GHRHR: variants seen among roughly 807,000 people sequenced by gnomAD.
GHRHR encodes growth hormone releasing hormone receptor, also known as growth hormone-releasing hormone receptor.
A neutral mutation model predicts 58.3 loss-of-function variants in GHRHR; 40 were observed. That is an observed-to-expected ratio of 0.69 (90% CI 0.53 to 0.89). The LOEUF (loss-of-function observed/expected upper bound fraction) is 0.89. GHRHR is among the 40% of genes least tolerant of loss of function. The probability of loss-of-function intolerance (pLI) is 0.00; values close to 1 mark genes in which losing one functional copy is unlikely to be tolerated. For synonymous variants in GHRHR, 249 were observed against 216.6 expected (o/e 1.15, Z -1.31); for missense variants, 551 against 541.3 (o/e 1.02, Z -0.18).
intron 5 of GHRHR, among the ~76,000 whole-genome samples, chr7:30,971,642 TG>T (rs552148784): frequency 2.9e-4 from 44 of 152,154 alleles, no homozygotes; most frequent in Non-Finnish European, 5.6e-4. Flanking sequence ...CTTGGTCTCA[TG>T]GGGATGAGTG....
chr7:30,969,088 G>A lies in GHRHR; in HGVS notation c.186G>A (p.Leu62=), dbSNP rs1350556162. The A allele has an allele frequency of 1.9e-6, 3 of 1,581,344 alleles. No individual in the cohort carries two copies. In the Admixed American group the frequency reaches 5.5e-5, roughly 29 times the overall value. ...TLGCPATWDG[L]LCWPTAGSGE... ...GCTGCCCTGCGACCTGGGATGGGCTGCTGTGCTGGCCAACGGCAGGCTCTG... is the reference window on the plus strand; with the variant it reads ...GCTGCCCTGCGACCTGGGATGGGCTACTGTGCTGGCCAACGGCAGGCTCTG... Residue 62 remains leucine, a synonymous_variant, in exon 3 of 13, where the codon CTG becomes CTA. Coordinates refer to ENST00000326139, the MANE Select transcript of GHRHR (RefSeq NM_000823.4).
rs1792288607 is a variant in GHRHR, at chr7:30,964,093, C to T, written c.25C>T (p.His9Tyr). 1.3e-6 allele frequency: 2 copies of T among 1,550,190 alleles called. No homozygotes were observed. The highest frequency in any genetic ancestry group is 2.0e-5 in the Admixed American group (1 of 50,990). Residue 9 changes from histidine to tyrosine, a missense_variant, in exon 1 of 13, where the codon CAC (histidine) becomes TAC (tyrosine). Coordinates refer to ENST00000326139, the MANE Select transcript of GHRHR (RefSeq NM_000823.4). Reference protein sequence around the residue: MDRRMWGAHVFCVLSPLPT... With the variant: MDRRMWGAYVFCVLSPLPT... ...CATGGACCGCCGGATGTGGGGGGCC[C>T]ACGTCTTCTGCGTGTTGAGCCCGTT... is the stretch of plus-strand genomic sequence containing the variant.
rs200504469 is a variant in GHRHR at position 30,969,938 on chromosome 7, G to A, written c.340G>A (p.Val114Met). The change falls in exon 4 of 13, where the codon GTG becomes ATG. Residue 114 changes from valine (V) to methionine (M), a missense_variant. Transcript: ENST00000326139. Reference sequence around the variant, plus strand: ...TCCACCTTACCCTGTGGCCTGCCCTGTGCCTCTGGAGCTGCTGGCTGAGGA... The same window carrying A: ...TCCACCTTACCCTGTGGCCTGCCCTATGCCTCTGGAGCTGCTGGCTGAGGA... ...PFPPYPVACP[V>M]PLELLAEEES... 6.3e-6 allele frequency: 9 copies of A among 1,437,368 alleles called. No individual in the cohort carries two copies. The highest frequency in any genetic ancestry group is 1.4e-5 in the African/African-American group (1 of 71,608). The allele number at this position is 1,437,368 out of a possible 1,614,324, so 89.0% of individuals were successfully genotyped here.
rs761620728 is a variant in GHRHR at position 30,979,176 on chromosome 7, T to C, written c.1204T>C (p.Trp402Arg). ...CCATGACCCTGAGCTTCTGCCAGCC[T>C]GGAGGACCCGTGCTAAGTGGACCAC... ...HGHDPELLPAWRTRAKWTTPS... is the reference protein window; with the variant it reads ...HGHDPELLPARRTRAKWTTPS... Residue 402 changes from tryptophan (W) to arginine (R), a missense_variant, in exon 13 of 13, where the codon TGG (tryptophan) becomes CGG (arginine). Trp to Arg is a moderately radical substitution (Grantham distance 101, BLOSUM62 -3). Transcript: ENST00000326139. 6.2e-7 allele frequency: 1 copy of C among 1,613,628 alleles called. No individual in the cohort carries two copies. Among genetic ancestry groups the C allele is most frequent in the Non-Finnish European group, 8.5e-7 (1 of 1,179,526 alleles).
rs1468197728 is a variant in GHRHR, at chr7:30,968,807, G to T, written c.58-27G>T. On this transcript the variant is annotated intron_variant, in intron 1 of 12. Transcript: ENST00000326139. ...CCCAGAAAGACACCCAAATGGCTTG[G>T]CTCATCCTGTTCACTGTTTCCAGCA... 1.9e-6 allele frequency: 3 copies of T among 1,541,508 alleles called. No homozygotes were observed. In the Admixed American group the frequency reaches 5.0e-5, roughly 26 times the overall value.
At chr7:30,975,695 C>A in intron 9 of GHRHR, 82 bp from the exon 10 acceptor site, 1 of 797,558 alleles carries the variant, frequency 1.3e-6, no homozygotes, top group South Asian at 1.3e-5. Flanking sequence ...TTTCTAGTCC[C>A]CAAATGGGCT....
At chr7:30,973,890 G>A (rs1295762388) in intron 6 of GHRHR, 95 bp from the exon 7 acceptor site, 1 of 1,253,252 alleles carries the variant, frequency 8.0e-7, no homozygotes, top group Non-Finnish European at 1.2e-6. Flanking sequence ...AACATGGAGG[G>A]GCCTGGAGGT....
intron 12 of GHRHR, among the ~76,000 whole-genome samples, chr7:30,977,621 C>A (rs1792615410): frequency 6.6e-6 from 1 of 152,110 alleles, no homozygotes; most frequent in Non-Finnish European, 1.5e-5. Flanking sequence ...CAGAAGGAAT[C>A]CCCCAATTCT....
intron 7 of GHRHR, 136 bp downstream of exon 7, chr7:30,974,274 G>A (rs1792533873): frequency 8.5e-7 from 1 of 1,179,126 alleles, no homozygotes; most frequent in East Asian, 2.4e-5. Context: ...GGCAGCAAGT[G>A]TTGGAGGGTG....
chr7:30,968,766 C>A, intron 1 of GHRHR, 68 bp from the exon 2 acceptor site: 1 of 1,011,648 alleles, frequency 9.9e-7, no homozygotes, highest in South Asian at 1.3e-5. Context: ...GTTCTCAGGT[C>A]ATGTGGACCA....
At chr7:30,970,102 AGTGTCTG>A in intron 4 of GHRHR, 138 bp downstream of exon 4, 1 of 723,160 alleles carries the variant, frequency 1.4e-6, no homozygotes, top group Non-Finnish European at 2.5e-6. Context: ...AGAGCAGTGA[AGTGTCTG>A]GAGGAGATGG....
intron 4 of GHRHR, 63 bp from the exon 5 acceptor site, chr7:30,971,056 C>G: frequency 1.3e-6 from 1 of 769,072 alleles, no homozygotes; most frequent in Non-Finnish European, 2.3e-6. Flanking sequence ...GCTTGATTGT[C>G]AAGCCTCTCT....
intron 1 of GHRHR, among the ~76,000 whole-genome samples, chr7:30,968,409 AACTT>A (rs1303172704): frequency 1.3e-5 from 2 of 152,042 alleles, no homozygotes; most frequent in Non-Finnish European, 2.9e-5. Flanking sequence ...TGTGTCTCAG[AACTT>A]ACTTACATGA....
At chr7:30,977,079 C>A (rs928757558) in intron 11 of GHRHR, among the ~76,000 whole-genome samples, 2 of 152,202 alleles carry the variant, frequency 1.3e-5, no homozygotes, top group African/African-American at 4.8e-5. Context: ...AACAGTACAG[C>A]CCTGGCAGGC....
At chr7:30,966,397 TGGGGTG>T (rs1792353110) in intron 1 of GHRHR, among the ~76,000 whole-genome samples, 1 of 32,158 alleles carries the variant, frequency 3.1e-5, no homozygotes, top group Non-Finnish European at 5.9e-5. Context: ...TGTGTGTGTG[TGGGGTG>T]GGGGTGGGGG....
intron 1 of GHRHR, 137 bp downstream of exon 1, chr7:30,964,262 C>A: frequency 1.2e-6 from 1 of 820,874 alleles, no homozygotes; most frequent in Non-Finnish European, 2.0e-6. Flanking sequence ...AGGTGGCAGG[C>A]TGTGGCTTGG....
intron 1 of GHRHR, 90 bp downstream of exon 1, chr7:30,964,215 C>CT: frequency 8.6e-7 from 1 of 1,156,672 alleles, no homozygotes; most frequent in South Asian, 1.3e-5. Flanking sequence ...GGAGACCCTA[C>CT]TGCCCTTCTC....
chr7:30,975,008 A>G lies in GHRHR; in HGVS notation c.850A>G (p.Ile284Val). The G allele has an allele frequency of 6.2e-7, 1 of 1,613,264 alleles. No individual in the cohort carries two copies. Among genetic ancestry groups the G allele is most frequent in the Middle Eastern group, 1.6e-4 (1 of 6,062 alleles). The change falls in exon 9 of 13, where the codon ATC becomes GTC. Residue 284 changes from isoleucine to valine, a missense_variant. Transcript: ENST00000326139. ...DLDDTSPYWW[I>V]IKGPIVLSVG... ...GGACGACACCTCCCCCTACTGGTGG[A>G]TCATCAAAGGGCCCATTGTCCTCTC...
Position 30,975,022 on chromosome 7 carries a change from C to T in GHRHR, c.864C>T (p.Pro288=), listed in dbSNP as rs559861727. ...CCTACTGGTGGATCATCAAAGGGCC[C>T]ATTGTCCTCTCGGTCGGGGTCAGTC... ...TSPYWWIIKG[P]IVLSVGVNFG... is the part of the protein sequence containing the mutation. Residue 288 remains proline (P), a synonymous_variant, in exon 9 of 13, where the codon CCC becomes CCT. Coordinates refer to ENST00000326139, the MANE Select transcript of GHRHR (RefSeq NM_000823.4). The T allele has an allele frequency of 1.5e-5, 24 of 1,612,126 alleles. No homozygotes were observed. The African/African-American group carries it at 3.1e-4, about 21-fold the overall frequency.
Sources: gnomAD v4.1 joint callset for allele counts (sites outside exome capture counted in the v4.1 genomes callset) on GRCh38, gnomAD v4.1.1 for gene constraint, MANE v1.5 for transcripts, NCBI Gene and HGNC (gene_info 2026-07-23, HGNC 2026-07-21) for gene names.